Variants in RBMS1 observed in about 807,000 individuals in gnomAD.
RBMS1 encodes the protein RNA binding motif single stranded interacting protein 1, also known as RNA-binding motif, single-stranded-interacting protein 1.
Under a neutral mutation model 62.3 loss-of-function variants are expected in RBMS1, and 17 were observed. The observed-to-expected ratio is 0.27, with a 90% CI of 0.19 to 0.41. The LOEUF (loss-of-function observed/expected upper bound fraction) is 0.41, where lower values mean the gene tolerates loss of function less well. RBMS1 is among the 10% of genes least tolerant of loss of function. RBMS1 has a pLI of 1.00. For missense variants in RBMS1, 334 were observed against 504.5 expected (o/e 0.66, Z 3.24); for synonymous variants, 172 against 170.0 (o/e 1.01, Z -0.09).
intron 1 of RBMS1, chr2:160,407,369 C>G: frequency 1.0e-6 from 1 of 985,706 alleles, no homozygotes; most frequent in Non-Finnish European, 1.2e-6. Flanking sequence ...ACCGCCCAGC[C>G]GGTCCCTCCG....
At chr2:160,458,077 C>T (rs1008891224) in intron 1 of RBMS1, among the ~76,000 whole-genome samples, 12 of 152,006 alleles carry the variant, frequency 7.9e-5, no homozygotes, top group African/African-American at 2.4e-4. Context: ...GATCCTCCCA[C>T]CCCAGCCTCC....
chr2:160,363,980 T>TA (rs1693265542), intron 2 of RBMS1, among the ~76,000 whole-genome samples: 1 of 151,958 alleles, frequency 6.6e-6, no homozygotes, highest in Non-Finnish European at 1.5e-5. Flanking sequence ...GAAGGCAAAA[T>TA]AAAAATGGCT....
At chr2:160,383,463 G>C (rs969061334) in intron 1 of RBMS1, among the ~76,000 whole-genome samples, 1 of 147,646 alleles carries the variant, frequency 6.8e-6, no homozygotes, top group Non-Finnish European at 1.5e-5. Context: ...TGGGGGGGGG[G>C]GAACTGACCC....
At chr2:160,386,118 G>A (rs1027828522) in intron 1 of RBMS1, among the ~76,000 whole-genome samples, 2 of 152,178 alleles carry the variant, frequency 1.3e-5, no homozygotes, top group Non-Finnish European at 1.5e-5. Context: ...TGCTAAGGGC[G>A]TAAGCAGCTA....
At chr2:160,415,363 G>C (rs1354744250) in intron 1 of RBMS1, among the ~76,000 whole-genome samples, 1 of 152,056 alleles carries the variant, frequency 6.6e-6, no homozygotes, top group African/African-American at 2.4e-5. Context: ...ATGTATGTGA[G>C]CAAACTGTGG....
chr2:160,324,911 C>CAT lies in RBMS1; in HGVS notation c.252-6685_252-6684insAT, dbSNP rs1336696642. Among the ~76,000 whole-genome samples, 152 of 101,998 alleles carry CAT rather than the reference C, an allele frequency of 1.5e-3. 1 individual carries two copies. Among genetic ancestry groups the CAT allele is most frequent in the Admixed American group, 2.4e-3 (26 of 10,802 alleles). The allele number at this position is 101,998 out of a possible 152,430, so 66.9% of individuals were successfully genotyped here. A position where few individuals can be genotyped will look rare whatever the true frequency, so the allele number is the denominator to read the frequency against. ...ATATATATATATATATATATATACA[C>CAT]ACACACACACACACACACACACACA... On this transcript the variant is annotated intron_variant, in intron 2 of 13. Transcript: ENST00000348849.
chr2:160,343,379 C>T (rs1402135521), intron 2 of RBMS1, among the ~76,000 whole-genome samples: 2 of 152,148 alleles, frequency 1.3e-5, no homozygotes, highest in Admixed American at 1.3e-4. Context: ...TTTTAGTTAG[C>T]AATACAGCAG....
rs185170759 is a variant in RBMS1, at chr2:160,423,334, A to G, written c.76-55943T>C. Among the ~76,000 whole-genome samples, 33 of 137,334 alleles carry G rather than the reference A, an allele frequency of 2.4e-4. No homozygotes were observed. The East Asian group carries it at 7.0e-3, about 29-fold the overall frequency. The allele number at this position is 137,334 out of a possible 152,430, so 90.1% of individuals were successfully genotyped here. A position where few individuals can be genotyped will look rare whatever the true frequency, so the allele number is the denominator to read the frequency against. ...AGATGCAATGGCATTTTTCCAGTAA[A>G]CTAACTTGCTCAAGTCTTCTCTATT... On this transcript the variant is annotated intron_variant, in intron 1 of 13. Coordinates refer to ENST00000348849, the MANE Select transcript of RBMS1 (RefSeq NM_016836.4).
intron 6 of RBMS1, among the ~76,000 whole-genome samples, chr2:160,291,606 G>C (rs78556294): frequency 0.1 from 15,235 of 152,024 alleles, 1,040 homozygotes; most frequent in East Asian, 0.26. Context: ...TCTTCCTCCC[G>C]AGGCTGTTTA....
At chr2:160,327,794 C>T (rs891061988) in intron 2 of RBMS1, among the ~76,000 whole-genome samples, 7 of 152,130 alleles carry the variant, frequency 4.6e-5, no homozygotes, top group Admixed American at 2.6e-4. Context: ...TGTATATTAT[C>T]TATCATAAAA....
At chr2:160,319,867 ATG>A (rs1690458763) in intron 2 of RBMS1, among the ~76,000 whole-genome samples, 1 of 152,214 alleles carries the variant, frequency 6.6e-6, no homozygotes, top group African/African-American at 2.4e-5. Context: ...CTGTGTAATC[ATG>A]TAATCAAATG....
intron 1 of RBMS1, among the ~76,000 whole-genome samples, chr2:160,368,870 CCT>C (rs763542762): frequency 2.6e-5 from 4 of 152,240 alleles, no homozygotes; most frequent in Non-Finnish European, 4.4e-5. Context: ...GAACTCCAGA[CCT>C]CAGGTGATCC....
chr2:160,421,127 C>A (rs1293566916), intron 1 of RBMS1, among the ~76,000 whole-genome samples: 2 of 151,902 alleles, frequency 1.3e-5, no homozygotes, highest in African/African-American at 4.8e-5. Flanking sequence ...GAGATCCACT[C>A]TAACTTATTC....
chr2:160,407,591 C>A, intron 1 of RBMS1: 5 of 982,764 alleles, frequency 5.1e-6, no homozygotes, highest in Non-Finnish European at 6.0e-6. Flanking sequence ...AGCCTCGCCG[C>A]GAGGGGGAGG....
In RBMS1 at chr2:160,311,234, A is replaced by ATATATCTATATATC. The variant is rs1553505434; in HGVS notation, c.402+1921_402+1922insGATATATAGATATA. Among the ~76,000 whole-genome samples the ATATATCTATATATC allele has an allele frequency of 1.7e-3, 187 of 107,420 alleles. 5 individuals carry two copies. Among genetic ancestry groups the ATATATCTATATATC allele is most frequent in the African/African-American group, 3.5e-3 (108 of 30,602 alleles). 70.5% of individuals were successfully genotyped at this position (107,420 alleles called of 152,430 possible). On this transcript the variant is annotated intron_variant, in intron 4 of 13. Transcript: ENST00000348849. Reference sequence around the variant, plus strand: ...AATCTATCTATCTATCTATCTATCTATATATATATATATATATATATATAG... The same window carrying ATATATCTATATATC: ...AATCTATCTATCTATCTATCTATCTATATATCTATATATCTATATATATATATATATATATATAG...
intron 1 of RBMS1, among the ~76,000 whole-genome samples, chr2:160,426,248 A>AGAAAGAAG: frequency 1.6e-5 from 2 of 123,672 alleles, no homozygotes; most frequent in Non-Finnish European, 3.4e-5. Flanking sequence ...AAAGAAAGAA[A>AGAAAGAAG]GAAAGAAAGA....
At chr2:160,482,671 A>G (rs1181018675) in intron 1 of RBMS1, among the ~76,000 whole-genome samples, 2 of 152,218 alleles carry the variant, frequency 1.3e-5, no homozygotes, top group African/African-American at 4.8e-5. Flanking sequence ...GCATTCACTT[A>G]TATTTAAAAT....
intron 2 of RBMS1, among the ~76,000 whole-genome samples, chr2:160,345,321 G>T (rs754238373): frequency 6.6e-6 from 1 of 152,064 alleles, no homozygotes; most frequent in South Asian, 2.1e-4. Flanking sequence ...GAAAGGGTGA[G>T]TTACTAACAT....
In RBMS1 at chr2:160,313,181, C is replaced by A. The variant is rs1403881639; in HGVS notation, c.377G>T (p.Ser126Ile). ...AQKAVSALKA[S>I]GVQAQMAKQQ... ...CTTTGCCATTTGAGCTTGAACCCCA[C>A]TGGCCTTCAGGGCAGACACAGCTTT... The change falls in exon 4 of 14, where the codon AGT (serine) becomes ATT (isoleucine). Residue 126 changes from serine to isoleucine, a missense_variant. By Grantham distance (142) the Ser-to-Ile change is moderately radical. Transcript: ENST00000348849. The A allele has an allele frequency of 6.2e-7, 1 of 1,613,534 alleles. No individual in the cohort carries two copies. The highest frequency in any genetic ancestry group is 8.5e-7 in the Non-Finnish European group (1 of 1,179,660).
Sources: gnomAD v4.1 joint callset for allele counts (sites outside exome capture counted in the v4.1 genomes callset) on GRCh38, gnomAD v4.1.1 for gene constraint, MANE v1.5 for transcripts, NCBI Gene and HGNC (gene_info 2026-07-23, HGNC 2026-07-21) for gene names.